The following CLDN10 variants were observed in gnomAD, a reference collection of about 807,000 sequenced individuals.
CLDN10 encodes claudin-10.
Under a neutral mutation model 22.9 loss-of-function variants are expected in CLDN10, and 15 were observed. That is an observed-to-expected ratio of 0.65 (90% confidence interval 0.44 to 1.01). CLDN10 has a LOEUF of 1.01. Among genes scored for constraint, CLDN10 ranks in the 50% least tolerant of loss-of-function variants. The pLI is 0.00. For missense variants in CLDN10, 247 were observed against 287.8 expected (o/e 0.86, Z 1.03); for synonymous variants, 114 against 111.4 (o/e 1.02, Z -0.15).
chr13:95,507,220 A>T (rs1227119427), intron 1 of CLDN10, among the ~76,000 whole-genome samples: 1 of 152,300 alleles, frequency 6.6e-6, no homozygotes, highest in Non-Finnish European at 1.5e-5. Context: ...ACAGATAAAC[A>T]TTTTTGAGTT....
chr13:95,576,339 C>T (rs1480774398), intron 3 of CLDN10, among the ~76,000 whole-genome samples: 4 of 152,158 alleles, frequency 2.6e-5, no homozygotes, highest in African/African-American at 7.2e-5. Context: ...CTGAAAAGCA[C>T]CAAGATTTCT....
chr13:95,504,083 G>C (rs2043013147), intron 1 of CLDN10, among the ~76,000 whole-genome samples: 1 of 152,168 alleles, frequency 6.6e-6, no homozygotes, highest in Admixed American at 6.5e-5. Flanking sequence ...ATATTTCCTG[G>C]ATTTGGTCAT....
intron 1 of CLDN10, among the ~76,000 whole-genome samples, chr13:95,545,129 C>A (rs561742431): frequency 9.9e-5 from 15 of 152,214 alleles, no homozygotes; most frequent in African/African-American, 2.9e-4. Context: ...TTTTCTTCAG[C>A]ATCAAACTCA....
intron 1 of CLDN10, among the ~76,000 whole-genome samples, chr13:95,480,660 C>A (rs761304299): frequency 1.3e-5 from 2 of 152,110 alleles, no homozygotes; most frequent in South Asian, 4.1e-4. Context: ...TTGGCTCCAC[C>A]CTCAAAAATT....
At chr13:95,437,178 C>G (rs2042280520) in intron 1 of CLDN10, among the ~76,000 whole-genome samples, 1 of 152,116 alleles carries the variant, frequency 6.6e-6, no homozygotes, top group African/African-American at 2.4e-5. Flanking sequence ...ATAGTGACTA[C>G]ATCCCTTAAA....
chr13:95,489,435 G>A (rs1267610149), intron 1 of CLDN10, among the ~76,000 whole-genome samples: 1 of 150,924 alleles, frequency 6.6e-6, no homozygotes, highest in Non-Finnish European at 1.5e-5. Flanking sequence ...GAAGTGAGGT[G>A]GTATCGCATT....
Position 95,500,266 on chromosome 13 carries a change from AGCATGTTGCATGCGAGT to A in CLDN10, c.215-59864_215-59848del, listed in dbSNP as rs368485678. ...AACAAGGCTGAGAGGTCAGTAAAAC[AGCATGTTGCATGCGAGT>A]GAGGCGGGGTCTAAATAAGAATGGG... On this transcript the variant is annotated intron_variant, in intron 1 of 4. Transcript: ENST00000376873. Among the ~76,000 whole-genome samples, 382 of 152,344 alleles carry A rather than the reference AGCATGTTGCATGCGAGT, an allele frequency of 2.5e-3. 1 individual carries two copies. The highest frequency in any genetic ancestry group is 8.7e-3 in the African/African-American group (360 of 41,582).
intron 1 of CLDN10, among the ~76,000 whole-genome samples, chr13:95,494,617 A>T (rs1227452306): frequency 6.6e-6 from 1 of 152,232 alleles, no homozygotes; most frequent in Non-Finnish European, 1.5e-5. Flanking sequence ...AAGTAAATAG[A>T]ATCTACTTGT....
At chr13:95,496,153 A>C (rs1473868202) in intron 1 of CLDN10, among the ~76,000 whole-genome samples, 1 of 152,034 alleles carries the variant, frequency 6.6e-6, no homozygotes, top group Non-Finnish European at 1.5e-5. Flanking sequence ...CTTTTCAACT[A>C]CCAAACCCTC....
intron 1 of CLDN10, among the ~76,000 whole-genome samples, chr13:95,484,796 G>C (rs191356307): frequency 7.6e-4 from 114 of 149,936 alleles, no homozygotes; most frequent in Non-Finnish European, 1.5e-3. Flanking sequence ...GACCCAGGAG[G>C]TGGAGGTTGG....
intron 1 of CLDN10, among the ~76,000 whole-genome samples, chr13:95,533,429 T>G (rs2043367499): frequency 6.6e-6 from 1 of 152,090 alleles, no homozygotes; most frequent in Non-Finnish European, 1.5e-5. Context: ...AAAGAACCAG[T>G]TTTCAATAAT....
At chr13:95,454,261 G>A (rs1033944468) in intron 1 of CLDN10, among the ~76,000 whole-genome samples, 1 of 152,154 alleles carries the variant, frequency 6.6e-6, no homozygotes, top group African/African-American at 2.4e-5. Context: ...CCAATGTGGT[G>A]AAATCCCATC....
At chr13:95,548,898 C>T (rs1275125868), upstream of CLDN10, among the ~76,000 whole-genome samples, 1 of 152,192 alleles carries the variant, frequency 6.6e-6, no homozygotes, top group Non-Finnish European at 1.5e-5. Flanking sequence ...GGCACACCTG[C>T]GTTGCTTGGT....
intron 1 of CLDN10, among the ~76,000 whole-genome samples, chr13:95,523,823 T>C (rs1033081397): frequency 2.0e-5 from 3 of 152,202 alleles, no homozygotes; most frequent in African/African-American, 4.8e-5. Flanking sequence ...ATAACTGTTG[T>C]TGGGGCTGTC....
chr13:95,556,868 T>C (rs1594610407), intron 1 of CLDN10, among the ~76,000 whole-genome samples: 1 of 152,248 alleles, frequency 6.6e-6, no homozygotes, highest in East Asian at 1.9e-4. Context: ...TGATTTGCAA[T>C]TGAAAATAAA....
At chr13:95,503,478 T>C (rs542898020) in intron 1 of CLDN10, among the ~76,000 whole-genome samples, 23 of 152,320 alleles carry the variant, frequency 1.5e-4, no homozygotes, top group African/African-American at 5.5e-4. Context: ...ATCTAGAAAT[T>C]CCGCTTCTGG....
chr13:95,524,861 T>TTATTTATTTA (rs370827702), intron 1 of CLDN10, among the ~76,000 whole-genome samples: 1 of 98,430 alleles, frequency 1.0e-5, no homozygotes. Context: ...ATTTATTTAT[T>TTATTTATTTA]TTTATTTTTT....
At chr13:95,484,630 G>A (rs1478814869) in intron 1 of CLDN10, among the ~76,000 whole-genome samples, 9 of 149,870 alleles carry the variant, frequency 6.0e-5, no homozygotes, top group African/African-American at 2.2e-4. Context: ...ATCACTTGAG[G>A]TCAGGAGTTC....
chr13:95,438,644 C>A (rs1276044893), intron 1 of CLDN10, among the ~76,000 whole-genome samples: 1 of 152,152 alleles, frequency 6.6e-6, no homozygotes, highest in African/African-American at 2.4e-5. Flanking sequence ...CCAGATGCTT[C>A]ACCTCTCTCC....
Sources: allele counts gnomAD v4.1 joint callset (sites outside exome capture counted in the v4.1 genomes callset), GRCh38; gene constraint gnomAD v4.1.1; transcripts MANE v1.5; gene names NCBI Gene and HGNC (gene_info 2026-07-23, HGNC 2026-07-21).